Variants in ACTL6A observed in about 807,000 individuals in gnomAD.
ACTL6A encodes the protein actin like 6A.
In ACTL6A, 5 loss-of-function variants were observed where a neutral mutation model predicts 59.2. That is an observed-to-expected ratio of 0.08 (90% CI 0.04 to 0.18). The LOEUF (loss-of-function observed/expected upper bound fraction) is 0.18, where lower values mean the gene tolerates loss of function less well. Ranked by LOEUF, ACTL6A falls within the 10% of genes least tolerant of loss-of-function variation. The pLI is 1.00. For missense variants in ACTL6A, 285 were observed against 526.9 expected (o/e 0.54, Z 4.49); for synonymous variants, 154 against 171.8 (o/e 0.90, Z 0.81).
At chr3:179,568,527 CT>C (rs35012560) in intron 1 of ACTL6A, among the ~76,000 whole-genome samples, 140 of 139,796 alleles carry the variant, frequency 1.0e-3, no homozygotes, top group Middle Eastern at 3.6e-3. Context: ...TGCATATTTT[CT>C]TTTTTTTTTT....
At position 179,580,909 on chromosome 3, in the gene ACTL6A, G is replaced by C; in HGVS notation, c.846G>C (p.Met282Ile). Residue 282 changes from methionine (M) to isoleucine (I), a missense_variant, in exon 10 of 14, where the codon ATG becomes ATC. By Grantham distance (10) the Met-to-Ile change is conservative. Transcript: ENST00000429709. ...ATGTTTTCAGAGTGGCTGCACAGAT[G>C]CCAACTGTTCATTATGAATTCCCCA... is the stretch of plus-strand genomic sequence containing the variant. ...STYDEQVAAQ[M>I]PTVHYEFPNG... 1 of 1,586,908 alleles carries C rather than the reference G, an allele frequency of 6.3e-7. No individual in the cohort carries two copies. The highest frequency in any genetic ancestry group is 8.5e-7 in the Non-Finnish European group (1 of 1,173,920).
At chr3:179,576,564 C>T (rs2292907) in intron 6 of ACTL6A, 56 bp from the exon 7 acceptor site, 49 of 1,336,026 alleles carry the variant, frequency 3.7e-5, no homozygotes, top group Non-Finnish European at 5.0e-5. Flanking sequence ...AGAGGAAATT[C>T]GTTCAAGGAA....
chr3:179,563,802 C>A (rs1335002838), intron 1 of ACTL6A, among the ~76,000 whole-genome samples: 1 of 152,126 alleles, frequency 6.6e-6, no homozygotes, highest in African/African-American at 2.4e-5. Context: ...AGAAAGTTTG[C>A]TGGGGGTCCT....
intron 1 of ACTL6A, among the ~76,000 whole-genome samples, chr3:179,563,645 C>G (rs188350080): frequency 1.0e-3 from 159 of 152,376 alleles, no homozygotes; most frequent in African/African-American, 3.6e-3. Context: ...ACTTAGGGTA[C>G]TGCCTCCTCC....
At chr3:179,563,199 C>T in intron 1 of ACTL6A, 82 bp downstream of exon 1, 2 of 1,531,704 alleles carry the variant, frequency 1.3e-6, no homozygotes, top group Non-Finnish European at 8.8e-7. Flanking sequence ...CTCCCCTCCC[C>T]GGCGTTCCCT....
chr3:179,569,722 G>A (rs1054106183), intron 1 of ACTL6A, 102 bp from the exon 2 acceptor site: 9 of 956,600 alleles, frequency 9.4e-6, no homozygotes, highest in South Asian at 5.4e-5. Context: ...AGACTGAGGC[G>A]GGAGGATTGC....
chr3:179,587,807 A>G (rs544290328), intron 13 of ACTL6A, 123 bp from the exon 14 acceptor site: 21 of 686,882 alleles, frequency 3.1e-5, no homozygotes, highest in Admixed American at 6.7e-5. Flanking sequence ...GTAAGCTACA[A>G]TCACGCCATT....
At chr3:179,575,512 GCCTCCCTCCTT>G (rs1718141710) in intron 5 of ACTL6A, 2 of 450,630 alleles carry the variant, frequency 4.4e-6, no homozygotes, top group East Asian at 7.0e-5. Flanking sequence ...CAGGTGAGCA[GCCTCCCTCCTT>G]CCTCCCTCCC....
intron 5 of ACTL6A, chr3:179,575,186 C>T (rs1387442023): frequency 8.5e-6 from 3 of 352,676 alleles, no homozygotes; most frequent in South Asian, 4.5e-5. Context: ...AAGCCAGAAT[C>T]GTCTTCTACA....
At position 179,573,134 on chromosome 3, in the gene ACTL6A, G is replaced by C. The variant is rs944021592; in HGVS notation, c.278-235G>C. On this transcript the variant is annotated intron_variant, in intron 3 of 13. Coordinates refer to ENST00000429709, the MANE Select transcript of ACTL6A (RefSeq NM_004301.5). ...TTTACTTCATATTTTAGGTCTGTTA[G>C]ATTAATTACATTTGGGACAGGTCTG... 5.5e-5 allele frequency: 19 copies of C among 345,670 alleles called. No homozygotes were observed. In the East Asian group the frequency reaches 8.8e-4, roughly 16 times the overall value. The allele number at this position is 345,670 out of a possible 1,614,324, so 21.4% of individuals were successfully genotyped here.
At chr3:179,580,796 CTTTT>C in intron 9 of ACTL6A, 94 bp from the exon 10 acceptor site, 2 of 1,102,736 alleles carry the variant, frequency 1.8e-6, no homozygotes, top group Non-Finnish European at 2.5e-6. Flanking sequence ...TTCTCACTCC[CTTTT>C]TTTTTTTTAC....
intron 5 of ACTL6A, chr3:179,575,224 G>T: frequency 2.7e-6 from 1 of 371,330 alleles, no homozygotes; most frequent in Non-Finnish European, 5.2e-6. Context: ...CTTTCAGACC[G>T]TGCTGAGGTA....
intron 5 of ACTL6A, among the ~76,000 whole-genome samples, chr3:179,575,926 CTT>C (rs1718153858): frequency 6.6e-6 from 1 of 152,160 alleles, no homozygotes; most frequent in South Asian, 2.1e-4. Flanking sequence ...TCTCCAGAGA[CTT>C]TTAGTGATTG....
intron 8 of ACTL6A, 117 bp downstream of exon 8, chr3:179,577,030 G>T: frequency 1.5e-6 from 1 of 654,724 alleles, no homozygotes; most frequent in South Asian, 2.9e-5. Context: ...ATATTTTCAA[G>T]CTCTTTATTT....
Position 179,563,067 on chromosome 3 carries a change from G to C in ACTL6A, c.-26G>C. 1.9e-6 allele frequency: 3 copies of C among 1,610,648 alleles called. No individual in the cohort carries two copies. Among genetic ancestry groups the C allele is most frequent in the Non-Finnish European group, 2.5e-6 (3 of 1,179,460 alleles). On this transcript the variant is annotated 5_prime_UTR_variant, in exon 1 of 14. Transcript: ENST00000429709. ...CAGTCACTTCGCCAGTTAGCCCTTA[G>C]GGTAGGAGTCGCGCCGGCAGCAGCC...
chr3:179,578,427 C>T (rs980379582), intron 8 of ACTL6A, among the ~76,000 whole-genome samples: 1 of 152,078 alleles, frequency 6.6e-6, no homozygotes, highest in Non-Finnish European at 1.5e-5. Flanking sequence ...GCGCTCCTGC[C>T]TGGGCGACAG....
At chr3:179,569,148 T>C (rs1438467084) in intron 1 of ACTL6A, among the ~76,000 whole-genome samples, 1 of 152,198 alleles carries the variant, frequency 6.6e-6, no homozygotes, top group African/African-American at 2.4e-5. Flanking sequence ...GTATATTTAT[T>C]AGCCTGGTTC....
chr3:179,564,063 C>T (rs1270858276), intron 1 of ACTL6A, among the ~76,000 whole-genome samples: 1 of 152,200 alleles, frequency 6.6e-6, no homozygotes, highest in Non-Finnish European at 1.5e-5. Context: ...CATGGACCAG[C>T]AGTGTCAGCA....
chr3:179,567,751 C>T (rs1576848359), intron 1 of ACTL6A, among the ~76,000 whole-genome samples: 1 of 152,082 alleles, frequency 6.6e-6, no homozygotes, highest in African/African-American at 2.4e-5. Context: ...TTTAAGGACC[C>T]CCTAGTTTCT....
Sources: allele counts gnomAD v4.1 joint callset (sites outside exome capture counted in the v4.1 genomes callset), GRCh38; gene constraint gnomAD v4.1.1; transcripts MANE v1.5; gene names NCBI Gene and HGNC (gene_info 2026-07-23, HGNC 2026-07-21).